ANO10: variants seen among roughly 807,000 people sequenced by gnomAD.
ANO10 encodes the protein anoctamin-10.
A neutral mutation model predicts 74.7 loss-of-function variants in ANO10; 77 were observed. The observed-to-expected ratio is 1.03, with a 90% CI of 0.86 to 1.25. The LOEUF (loss-of-function observed/expected upper bound fraction) is 1.25, where lower values mean the gene tolerates loss of function less well. ANO10 is among the 50% of genes most tolerant of loss of function. ANO10 has a pLI of 0.00. For synonymous variants in ANO10, 279 were observed against 284.9 expected, an observed-to-expected ratio of 0.98 and a Z score of 0.21; for missense variants, 721 against 778.1, an observed-to-expected ratio of 0.93 and a Z score of 0.87.
intron 1 of ANO10, among the ~76,000 whole-genome samples, chr3:43,660,815 G>A (rs948969041): frequency 2.0e-5 from 3 of 152,134 alleles, no homozygotes; most frequent in Admixed American, 6.5e-5. Context: ...TTAGCCGGGC[G>A]TGGTGGTGCA....
chr3:43,539,629 G>A (rs1226391121), intron 11 of ANO10, among the ~76,000 whole-genome samples: 1 of 152,212 alleles, frequency 6.6e-6, no homozygotes, highest in Non-Finnish European at 1.5e-5. Flanking sequence ...AGAGACAAGA[G>A]CAACAGTCCT....
intron 11 of ANO10, among the ~76,000 whole-genome samples, chr3:43,499,892 C>T (rs1008424216): frequency 2.0e-5 from 3 of 151,088 alleles, no homozygotes; most frequent in East Asian, 3.9e-4. Context: ...AGTGCAGTGG[C>T]GTGACCTCGG....
At chr3:43,401,847 T>G (rs1054327893) in intron 12 of ANO10, among the ~76,000 whole-genome samples, 1 of 152,252 alleles carries the variant, frequency 6.6e-6, no homozygotes, top group Non-Finnish European at 1.5e-5. Context: ...GTTTAACTGA[T>G]GTTTACTCTG....
intron 4 of ANO10, among the ~76,000 whole-genome samples, chr3:43,597,173 A>C (rs190708443): frequency 0.039 from 5,916 of 152,306 alleles, 159 homozygotes; most frequent in Non-Finnish European, 0.058. Flanking sequence ...GTGGGACGGT[A>C]AACTAGTTCA....
chr3:43,532,873 G>A (rs1485113398), intron 11 of ANO10, among the ~76,000 whole-genome samples: 1 of 152,134 alleles, frequency 6.6e-6, no homozygotes, highest in Non-Finnish European at 1.5e-5. Context: ...AGTGAGGAGG[G>A]GAATTCATGT....
intron 2 of ANO10, among the ~76,000 whole-genome samples, chr3:43,601,673 A>G (rs1375347176): frequency 2.0e-5 from 3 of 152,248 alleles, no homozygotes; most frequent in Admixed American, 6.5e-5. Flanking sequence ...TAAAGCTATT[A>G]AAGACTTTAG....
intron 12 of ANO10, among the ~76,000 whole-genome samples, chr3:43,393,823 C>T (rs1452434611): frequency 6.6e-6 from 1 of 152,166 alleles, no homozygotes. Flanking sequence ...ATCTCCTCCT[C>T]CAATGCTCAG....
intron 11 of ANO10, among the ~76,000 whole-genome samples, chr3:43,513,734 T>A (rs1389870991): frequency 6.6e-6 from 1 of 151,998 alleles, no homozygotes; most frequent in Non-Finnish European, 1.5e-5. Context: ...ATGGTCTTGA[T>A]CTCCTGACCT....
intron 1 of ANO10, among the ~76,000 whole-genome samples, chr3:43,656,793 C>T (rs2083859865): frequency 6.6e-6 from 1 of 152,252 alleles, no homozygotes. Context: ...GCCCGGGTTC[C>T]TGCTCGCGCC....
chr3:43,634,118 GAC>G (rs1441614469), intron 1 of ANO10, among the ~76,000 whole-genome samples: 1 of 151,718 alleles, frequency 6.6e-6, no homozygotes, highest in African/African-American at 2.4e-5. Flanking sequence ...AAGATGGGCA[GAC>G]ACACAAAAGA....
At chr3:43,546,135 A>G (rs988289608) in intron 11 of ANO10, among the ~76,000 whole-genome samples, 1 of 152,248 alleles carries the variant, frequency 6.6e-6, no homozygotes, top group African/African-American at 2.4e-5. Context: ...TAAGGTATAA[A>G]CAAAACAAAT....
intron 11 of ANO10, among the ~76,000 whole-genome samples, chr3:43,513,759 C>G (rs567346646): frequency 6.6e-6 from 1 of 152,272 alleles, no homozygotes; most frequent in East Asian, 1.9e-4. Flanking sequence ...ATCCGCCTGC[C>G]TTGGCCTCCC....
intron 11 of ANO10, among the ~76,000 whole-genome samples, chr3:43,538,747 A>T (rs1575376199): frequency 6.6e-6 from 1 of 152,142 alleles, no homozygotes. Flanking sequence ...TGCAGGATGG[A>T]GAACGGCCTG....
chr3:43,376,378 G>C (rs933932348), intron 12 of ANO10, among the ~76,000 whole-genome samples: 4 of 152,192 alleles, frequency 2.6e-5, no homozygotes, highest in Non-Finnish European at 4.4e-5. Flanking sequence ...AAGGGGACTA[G>C]AGCAGTGGCC....
intron 11 of ANO10, among the ~76,000 whole-genome samples, chr3:43,528,560 T>A (rs979418897): frequency 4.6e-5 from 7 of 151,486 alleles, no homozygotes; most frequent in African/African-American, 1.7e-4. Flanking sequence ...AATTACAAAA[T>A]GGCAAGGGGG....
chr3:43,375,827 C>T (rs2091783481), intron 12 of ANO10, among the ~76,000 whole-genome samples: 1 of 152,178 alleles, frequency 6.6e-6, no homozygotes, highest in Non-Finnish European at 1.5e-5. Context: ...ACAGAAGCTC[C>T]TTGGGGGATG....
intron 12 of ANO10, among the ~76,000 whole-genome samples, chr3:43,427,174 G>A (rs1273649950): frequency 2.0e-5 from 3 of 152,178 alleles, no homozygotes; most frequent in South Asian, 2.1e-4. Flanking sequence ...ACTGAGGTGC[G>A]AAGAGGCCAC....
intron 12 of ANO10, among the ~76,000 whole-genome samples, chr3:43,426,311 C>A (rs1041254279): frequency 9.2e-5 from 14 of 152,178 alleles, no homozygotes; most frequent in Non-Finnish European, 2.1e-4. Flanking sequence ...CTTTAAATAT[C>A]TTACAGAGTT....
intron 4 of ANO10, among the ~76,000 whole-genome samples, chr3:43,581,810 T>C (rs1362425449): frequency 1.3e-5 from 2 of 150,772 alleles, no homozygotes; most frequent in East Asian, 3.9e-4. Context: ...CCTGTAGTCC[T>C]AGCTACTCAG....
Sources: gnomAD v4.1 joint callset for allele counts (sites outside exome capture counted in the v4.1 genomes callset) on GRCh38, gnomAD v4.1.1 for gene constraint, MANE v1.5 for transcripts, NCBI Gene and HGNC (gene_info 2026-07-23, HGNC 2026-07-21) for gene names.